CDKL3: variants seen among roughly 807,000 people sequenced by gnomAD.
CDKL3 encodes cyclin dependent kinase like 3.
In CDKL3, 65 loss-of-function variants were observed where a neutral mutation model predicts 69.3. The ratio of observed to expected loss-of-function variants is 0.94; its 90% confidence interval spans 0.77 to 1.15. The LOEUF is 1.15. CDKL3 is among the 50% of genes most tolerant of loss of function. CDKL3 has a pLI of 0.00. For synonymous variants in CDKL3, 202 were observed against 221.6 expected (o/e 0.91, Z 0.79); for missense variants, 652 against 689.2 (o/e 0.95, Z 0.61).
At chr5:134,349,034 T>C (rs1038855659) in intron 4 of CDKL3, among the ~76,000 whole-genome samples, 1 of 152,186 alleles carries the variant, frequency 6.6e-6, no homozygotes, top group African/African-American at 2.4e-5. Context: ...GTTCTGCTAT[T>C]AAGCAGCTAT....
intron 6 of CDKL3, among the ~76,000 whole-genome samples, chr5:134,316,993 T>C (rs1015172380): frequency 6.6e-6 from 1 of 152,170 alleles, no homozygotes; most frequent in Admixed American, 6.5e-5. Context: ...ATTTTTTCTA[T>C]AATTATTATG....
At chr5:134,292,270 T>C (rs968929757) in intron 8 of CDKL3, among the ~76,000 whole-genome samples, 2 of 152,170 alleles carry the variant, frequency 1.3e-5, no homozygotes, top group Non-Finnish European at 2.9e-5. Context: ...ATATAGAGTA[T>C]ATTCTCTGAC....
intron 4 of CDKL3, 33 bp from the exon 5 acceptor site, chr5:134,321,936 T>G (rs1176320172): frequency 1.8e-6 from 2 of 1,140,320 alleles, no homozygotes; most frequent in Non-Finnish European, 2.6e-6. Context: ...AAATCACTTT[T>G]TCATGTAGAA....
downstream of CDKL3, among the ~76,000 whole-genome samples, chr5:134,295,629 C>G (rs1271616057): frequency 6.6e-6 from 1 of 152,152 alleles, no homozygotes; most frequent in African/African-American, 2.4e-5. Flanking sequence ...CAATTCTAAT[C>G]AAGCTTTTTT....
intron 3 of CDKL3, 55 bp from the exon 4 acceptor site, chr5:134,350,482 T>G (rs899055784): frequency 1.2e-5 from 15 of 1,238,550 alleles, no homozygotes; most frequent in African/African-American, 3.0e-5. Context: ...TTATCCAGAA[T>G]CTCTCAAAAA....
At chr5:134,325,693 A>C (rs1385551652) in intron 4 of CDKL3, among the ~76,000 whole-genome samples, 2 of 151,814 alleles carry the variant, frequency 1.3e-5, no homozygotes, top group Admixed American at 1.3e-4. Context: ...CATCTTTCTG[A>C]TGTCTAATAA....
At position 134,308,678 on chromosome 5, in the gene CDKL3, A is replaced by T; in HGVS notation, c.931T>A (p.Ser311Thr). The T allele has an allele frequency of 6.2e-7, 1 of 1,605,070 alleles. No individual in the cohort carries two copies. The highest frequency in any genetic ancestry group is 1.7e-4 in the Middle Eastern group (1 of 5,776). Residue 311 changes from serine (S) to threonine (T), a missense_variant, in exon 8 of 13, where the codon TCA (serine) becomes ACA (threonine). Coordinates refer to ENST00000265334, the MANE Select transcript of CDKL3 (RefSeq NM_001113575.2). ...GAACTCTCTTTTGGCTTTATTAATG[A>T]ATTGACTTTTGCTTCCTGCAGTAAT... The part of the protein sequence containing the change: ...AKLLQEAKVN[S>T]LIKPKESSKE...
intron 6 of CDKL3, among the ~76,000 whole-genome samples, chr5:134,318,666 T>C (rs1002267280): frequency 6.6e-6 from 1 of 151,998 alleles, no homozygotes; most frequent in East Asian, 1.9e-4. Flanking sequence ...TTTGTATTTT[T>C]AGTAGAGACG....
chr5:134,302,184 G>A, intron 12 of CDKL3: 4 of 456,554 alleles, frequency 8.8e-6, no homozygotes, highest in South Asian at 6.2e-5. Context: ...TAGGACAGCA[G>A]GCAGACAGCA....
At chr5:134,330,567 TAGCTGGGCATG>T (rs1775533374) in intron 4 of CDKL3, among the ~76,000 whole-genome samples, 1 of 152,014 alleles carries the variant, frequency 6.6e-6, no homozygotes, top group South Asian at 2.1e-4. Context: ...ATACAAAATG[TAGCTGGGCATG>T]GTGGCACATA....
chr5:134,367,955 GTGCTTTCTTTATTGAATAGGGCTTTCTT>G (rs1757842543), upstream of CDKL3, among the ~76,000 whole-genome samples: 2 of 152,234 alleles, frequency 1.3e-5, no homozygotes, highest in Admixed American at 1.3e-4. Context: ...TGCCTAGGGA[GTGCTTTCTTTATTGAATAGGGCTTTCTT>G]TGCTTTCTTC....
At chr5:134,303,887 T>C (rs1328963206) in intron 11 of CDKL3, among the ~76,000 whole-genome samples, 1 of 151,928 alleles carries the variant, frequency 6.6e-6, no homozygotes, top group Non-Finnish European at 1.5e-5. Context: ...ATAATTTACC[T>C]TTTAAAGCTG....
intron 4 of CDKL3, among the ~76,000 whole-genome samples, chr5:134,339,501 A>G (rs1267373422): frequency 6.6e-6 from 1 of 152,184 alleles, no homozygotes; most frequent in Non-Finnish European, 1.5e-5. Flanking sequence ...AATAATGATA[A>G]GCATGTCTAA....
intron 12 of CDKL3, among the ~76,000 whole-genome samples, chr5:134,300,283 G>A (rs1469164990): frequency 6.6e-6 from 1 of 152,104 alleles, no homozygotes; most frequent in African/African-American, 2.4e-5. Context: ...AGGTTGCAGT[G>A]AGCTAAGATC....
At chr5:134,367,422 G>T (rs894047496), upstream of CDKL3, 4 of 972,476 alleles carry the variant, frequency 4.1e-6, no homozygotes, top group East Asian at 1.2e-4. Context: ...GCCCAGGCTG[G>T]ACTGCAGTGT....
At chr5:134,318,840 G>A (rs573945488) in intron 6 of CDKL3, among the ~76,000 whole-genome samples, 441 of 151,896 alleles carry the variant, frequency 2.9e-3, no homozygotes, top group African/African-American at 0.01. Flanking sequence ...TAAATATAAT[G>A]AACATAATTA....
At chr5:134,318,539 A>T (rs1473219675) in intron 6 of CDKL3, among the ~76,000 whole-genome samples, 1 of 152,112 alleles carries the variant, frequency 6.6e-6, no homozygotes, top group Non-Finnish European at 1.5e-5. Context: ...ACGCTGGAGT[A>T]CAATGGCCCG....
chr5:134,290,582 G>A (rs1765085539), intron 8 of CDKL3, among the ~76,000 whole-genome samples: 2 of 152,240 alleles, frequency 1.3e-5, no homozygotes, highest in South Asian at 2.1e-4. Context: ...TCAAAGAAGG[G>A]GAGAGGCATA....
chr5:134,357,051 C>T (rs1476688037), intron 3 of CDKL3, among the ~76,000 whole-genome samples: 1 of 152,066 alleles, frequency 6.6e-6, no homozygotes, highest in East Asian at 1.9e-4. Flanking sequence ...TCTGTCTAAG[C>T]CTATTTTCTC....
Sources: allele counts gnomAD v4.1 joint callset (sites outside exome capture counted in the v4.1 genomes callset), GRCh38; gene constraint gnomAD v4.1.1; transcripts MANE v1.5; gene names NCBI Gene and HGNC (gene_info 2026-07-23, HGNC 2026-07-21).